ZC3H12B: variants seen among roughly 807,000 people sequenced by gnomAD.
ZC3H12B encodes the protein zinc finger CCCH-type containing 12B, also known as probable ribonuclease ZC3H12B.
In ZC3H12B, 7 loss-of-function variants were observed where a neutral mutation model predicts 43.9. The observed-to-expected ratio is 0.16, with a 90% confidence interval of 0.09 to 0.30. The LOEUF (loss-of-function observed/expected upper bound fraction) is 0.30, where lower values mean the gene tolerates loss of function less well. Among genes scored for constraint, ZC3H12B ranks in the 10% least tolerant of loss-of-function variants. The pLI is 1.00. For synonymous variants in ZC3H12B, 222 were observed against 241.7 expected, an observed-to-expected ratio of 0.92 and a Z score of 0.76; for missense variants, 475 against 670.2, an observed-to-expected ratio of 0.71 and a Z score of 3.22.
chrX:65,039,254 A>G, the ZC3H12B span, among the ~76,000 whole-genome samples: 8 of 111,411 alleles, frequency 7.2e-5, no homozygotes, highest in African/African-American at 2.0e-4. Context: ...TTGTAGTCTG[A>G]CTCATTCGTA....
At chrX:65,106,199 G>T in the ZC3H12B span, among the ~76,000 whole-genome samples, 1 of 111,357 alleles carries the variant, frequency 9.0e-6, no homozygotes, top group Admixed American at 9.6e-5. Context: ...TAGATTGAGG[G>T]TTGCACAAAT....
At chrX:65,392,006 A>T (rs990067887) in intron 2 of ZC3H12B, among the ~76,000 whole-genome samples, 3 of 111,591 alleles carry the variant, frequency 2.7e-5, no homozygotes, top group African/African-American at 9.8e-5. Flanking sequence ...ACCTCGAGTG[A>T]TCTGCCTGCC....
chrX:65,345,354 T>A, the ZC3H12B span, among the ~76,000 whole-genome samples: 1 of 112,285 alleles, frequency 8.9e-6, no homozygotes, highest in Non-Finnish European at 1.9e-5. Flanking sequence ...CACCATGGAA[T>A]GCTATGCAGC....
the ZC3H12B span, among the ~76,000 whole-genome samples, chrX:65,198,328 A>G: frequency 3.6e-5 from 4 of 112,028 alleles, no homozygotes; most frequent in South Asian, 1.5e-3. Context: ...ACTATTATCA[A>G]CAAGTTTTTG....
At chrX:65,226,092 A>G in the ZC3H12B span, among the ~76,000 whole-genome samples, 1 of 111,731 alleles carries the variant, frequency 9.0e-6, no homozygotes, top group African/African-American at 3.3e-5. Context: ...CCAAAGATGA[A>G]ATGAAGGAAA....
At chrX:65,095,111 C>G in the ZC3H12B span, among the ~76,000 whole-genome samples, 1 of 111,955 alleles carries the variant, frequency 8.9e-6, no homozygotes, top group African/African-American at 3.2e-5. Context: ...ATGAGCTTGA[C>G]AGCTTCTAAA....
the ZC3H12B span, among the ~76,000 whole-genome samples, chrX:65,355,565 T>A: frequency 9.9e-5 from 11 of 111,420 alleles, no homozygotes; most frequent in Non-Finnish European, 2.1e-4. Flanking sequence ...TCTAGAAAAA[T>A]AAAAATGACA....
chrX:65,393,330 G>A (rs1017267818), intron 2 of ZC3H12B, among the ~76,000 whole-genome samples: 3 of 111,238 alleles, frequency 2.7e-5, no homozygotes, highest in South Asian at 3.8e-4. Context: ...TGTGCTTAAC[G>A]TGCAGGTTTG....
At chrX:65,464,741 G>A (rs1015662505) in intron 3 of ZC3H12B, among the ~76,000 whole-genome samples, 3 of 109,643 alleles carry the variant, frequency 2.7e-5, no homozygotes, top group South Asian at 3.8e-4. Context: ...TTTTAATGTC[G>A]GTTTTTATAG....
At chrX:65,329,222 C>T in the ZC3H12B span, among the ~76,000 whole-genome samples, 1 of 111,272 alleles carries the variant, frequency 9.0e-6, no homozygotes, top group African/African-American at 3.3e-5. Flanking sequence ...TCTTTCCTGA[C>T]GTTTTAATGA....
the ZC3H12B span, among the ~76,000 whole-genome samples, chrX:65,323,126 G>A: frequency 3.2e-3 from 360 of 111,800 alleles, 2 homozygotes; most frequent in African/African-American, 0.011. Flanking sequence ...TTCCTATATG[G>A]ATACATTTTA....
chrX:65,100,220 G>A, the ZC3H12B span, among the ~76,000 whole-genome samples: 1 of 110,956 alleles, frequency 9.0e-6, no homozygotes, highest in Non-Finnish European at 1.9e-5. Flanking sequence ...AAGCCTCCAA[G>A]AAATATGGGA....
At chrX:65,182,228 A>T in the ZC3H12B span, among the ~76,000 whole-genome samples, 1 of 110,893 alleles carries the variant, frequency 9.0e-6, no homozygotes, top group Non-Finnish European at 1.9e-5. Context: ...CAGGGAGGGA[A>T]ACATCACACA....
At chrX:65,469,656 C>T in intron 3 of ZC3H12B, 1 of 171,723 alleles carries the variant, frequency 5.8e-6, no homozygotes, top group Non-Finnish European at 1.1e-5. Context: ...TCTCCCACAG[C>T]CTTGTGGAGA....
At chrX:65,386,655 C>T (rs1352596208) in intron 2 of ZC3H12B, among the ~76,000 whole-genome samples, 1 of 111,509 alleles carries the variant, frequency 9.0e-6, no homozygotes, top group Non-Finnish European at 1.9e-5. Context: ...TTCAGTTCTG[C>T]TCTGACTGTA....
the ZC3H12B span, among the ~76,000 whole-genome samples, chrX:65,359,041 T>A: frequency 9.0e-6 from 1 of 111,521 alleles, no homozygotes; most frequent in Non-Finnish European, 1.9e-5. Flanking sequence ...TTATGCTAAA[T>A]CTACTCTGCT....
At chrX:65,287,484 G>T in the ZC3H12B span, among the ~76,000 whole-genome samples, 1 of 110,444 alleles carries the variant, frequency 9.1e-6, no homozygotes, top group Non-Finnish European at 1.9e-5. Flanking sequence ...GGCCAGGTGT[G>T]GTGGCTCACA....
chrX:65,458,336 A>G (rs1484051709), intron 3 of ZC3H12B, among the ~76,000 whole-genome samples: 1 of 111,050 alleles, frequency 9.0e-6, no homozygotes, highest in Non-Finnish European at 1.9e-5. Context: ...CAGGAATTGA[A>G]CTCAGCTCTG....
At chrX:65,347,183 G>A in the ZC3H12B span, among the ~76,000 whole-genome samples, 1 of 111,463 alleles carries the variant, frequency 9.0e-6, no homozygotes, top group Non-Finnish European at 1.9e-5. Context: ...GGACCTCAAG[G>A]AAATTCCAGC....
Sources: gnomAD v4.1 joint callset for allele counts (sites outside exome capture counted in the v4.1 genomes callset) on GRCh38, gnomAD v4.1.1 for gene constraint, MANE v1.5 for transcripts, NCBI Gene and HGNC (gene_info 2026-07-23, HGNC 2026-07-21) for gene names.